The following CHAMP1 variants were observed in gnomAD, a reference collection of about 807,000 sequenced individuals.
CHAMP1 encodes the protein chromosome alignment maintaining phosphoprotein 1.
Under a neutral mutation model 54.5 loss-of-function variants are expected in CHAMP1, and 4 were observed. That is an observed-to-expected ratio of 0.07 (90% CI 0.04 to 0.17). CHAMP1 has a LOEUF of 0.17. Among genes scored for constraint, CHAMP1 ranks in the 10% least tolerant of loss-of-function variants. The pLI, the probability that CHAMP1 is intolerant of heterozygous loss-of-function variation, is 1.00. For synonymous variants in CHAMP1, 368 were observed against 342.2 expected, an observed-to-expected ratio of 1.08 and a Z score of -0.83; for missense variants, 994 against 968.6, an observed-to-expected ratio of 1.03 and a Z score of -0.35.
chr13:114,319,429 G>C (rs940298244), intron 1 of CHAMP1, among the ~76,000 whole-genome samples: 77 of 152,262 alleles, frequency 5.1e-4, no homozygotes, highest in African/African-American at 1.6e-3. Context: ...TGAATAAAGG[G>C]ATAATAGTCC....
intron 1 of CHAMP1, among the ~76,000 whole-genome samples, chr13:114,315,062 A>G (rs2087078116): frequency 6.6e-6 from 1 of 152,222 alleles, no homozygotes; most frequent in Non-Finnish European, 1.5e-5. Context: ...CTAGAATACA[A>G]GAAGAGATGC....
intron 1 of CHAMP1, among the ~76,000 whole-genome samples, chr13:114,320,616 G>A (rs1036223566): frequency 3.3e-5 from 5 of 152,206 alleles, no homozygotes; most frequent in Non-Finnish European, 4.4e-5. Flanking sequence ...AGACAAGGAT[G>A]GTGTCAGGAG....
rs2087235364 is a variant in CHAMP1, at chr13:114,325,459, T to G, written c.1617T>G (p.Pro539=). The G allele has an allele frequency of 6.8e-6, 11 of 1,614,068 alleles. No homozygotes were observed. The highest frequency in any genetic ancestry group is 9.3e-6 in the Non-Finnish European group (11 of 1,180,008). ...ALFPEPAKTA[P]PASPEARKRA... ...TTCCCGAGCCTGCCAAAACAGCCCC[T>G]CCTGCTTCTCCAGAAGCACGCAAAC... The change falls in exon 3 of 3, where the codon CCT becomes CCG. Residue 539 remains proline (P), a synonymous_variant. Transcript: ENST00000361283.
Position 114,325,266 on chromosome 13 carries a change from G to T in CHAMP1, c.1424G>T (p.Gly475Val). The T allele has an allele frequency of 6.2e-7, 1 of 1,614,094 alleles. No individual in the cohort carries two copies. The highest frequency in any genetic ancestry group is 8.5e-7 in the Non-Finnish European group (1 of 1,180,026). The change falls in exon 3 of 3, where the codon GGT becomes GTT. Residue 475 changes from glycine (G) to valine (V), a missense_variant. By Grantham distance (109) the Gly-to-Val change is moderately radical (BLOSUM62 -3). Coordinates refer to ENST00000361283, the MANE Select transcript of CHAMP1 (RefSeq NM_032436.4). ...FPESQKSSRG[G>V]SPDLWKSSFF... ...GAGTCCCAGAAAAGTTCCCGTGGTGGTTCTCCTGATCTCTGGAAGTCTTCC... is the reference window on the plus strand; with the variant it reads ...GAGTCCCAGAAAAGTTCCCGTGGTGTTTCTCCTGATCTCTGGAAGTCTTCC...
In CHAMP1 at chr13:114,316,249, C is replaced by A. The variant is rs1426866340; in HGVS notation, c.-179+1606C>A. Among the ~76,000 whole-genome samples, 3 of 150,702 alleles carry A rather than the reference C, an allele frequency of 2.0e-5. No individual in the cohort carries two copies. In the South Asian group the frequency reaches 6.3e-4, roughly 32 times the overall value. ...TGCGATCTTGGCCCACTGCAGCCTC[C>A]GTCTCTCGGATTTAAGCGATTCTCC... On this transcript the variant is annotated intron_variant, in intron 1 of 2. Transcript: ENST00000361283.
Position 114,325,268 on chromosome 13 carries a change from TCTC to T in CHAMP1, c.1429_1431del (p.Pro477del), listed in dbSNP as rs1170214193. ...GTCCCAGAAAAGTTCCCGTGGTGGTTCTCCTGATCTCTGGAAGTCTTCCTTTTT... is the reference window on the plus strand; with the variant it reads ...GTCCCAGAAAAGTTCCCGTGGTGGTTCTGATCTCTGGAAGTCTTCCTTTTT... On this transcript the variant is annotated inframe_deletion, in exon 3 of 3. Transcript: ENST00000361283. 1 of 1,614,150 alleles carries T rather than the reference TCTC, an allele frequency of 6.2e-7. No homozygotes were observed. Among genetic ancestry groups the T allele is most frequent in the Non-Finnish European group, 8.5e-7 (1 of 1,180,036 alleles).
Position 114,323,860 on chromosome 13 carries a change from A to G in CHAMP1, c.18A>G (p.Glu6=). The G allele has an allele frequency of 6.2e-7, 1 of 1,603,448 alleles. No individual in the cohort carries two copies. Among genetic ancestry groups the G allele is most frequent in the South Asian group, 1.1e-5 (1 of 90,214 alleles). The change falls in exon 3 of 3, where the codon GAA becomes GAG. Residue 6 remains glutamate (E), a synonymous_variant. Transcript: ENST00000361283. ...ACAGAAGAATGGAAGCATTCCAGGA[A>G]CTTCGTAAACCATCAGCACGTTTGG... The part of the protein sequence containing the change: MEAFQ[E]LRKPSARLEC...
In CHAMP1 at chr13:114,325,573, G is replaced by T; in HGVS notation, c.1731G>T (p.Glu577Asp). Residue 577 changes from glutamate to aspartate, a missense_variant, in exon 3 of 3, where the codon GAG becomes GAT. Around this residue, in one of 3 missense-constraint regions of CHAMP1, gnomAD observed 851 missense variants for 701.3 expected, o/e 1.21. Coordinates refer to ENST00000361283, the MANE Select transcript of CHAMP1 (RefSeq NM_032436.4). ...TCTCAGAATCACAGAAGGCTGTTGA[G>T]CTTGGTGATGAACTACAAATAGATG... is the stretch of plus-strand genomic sequence containing the variant. ...ALFSESQKAV[E>D]LGDELQIDAI... The T allele has an allele frequency of 6.2e-7, 1 of 1,614,186 alleles. No homozygotes were observed. Among genetic ancestry groups the T allele is most frequent in the Non-Finnish European group, 8.5e-7 (1 of 1,180,036 alleles).
Position 114,324,127 on chromosome 13 carries a change from A to G in CHAMP1, c.285A>G (p.Pro95=), listed in dbSNP as rs1555379362. 6.2e-7 allele frequency: 1 copy of G among 1,614,228 alleles called. No homozygotes were observed. Among genetic ancestry groups the G allele is most frequent in the East Asian group, 2.2e-5 (1 of 44,896 alleles). Residue 95 remains proline, a synonymous_variant, in exon 3 of 3, where the codon CCA becomes CCG. Transcript: ENST00000361283. The part of the protein sequence containing the change: ...HASPDKWNDK[P]KNQLNKETDP... ...CCCCAGACAAATGGAATGATAAACC[A>G]AAAAATCAGTTGAACAAAGAAACAG...
Position 114,325,662 on chromosome 13 carries a change from T to C in CHAMP1, c.1820T>C (p.Leu607Pro), listed in dbSNP as rs782127406. Reference protein sequence around the residue: ...QEELLASPKKLLEDTLFPSSK... With the variant: ...QEELLASPKKPLEDTLFPSSK... ...GAACTTCTAGCTTCACCTAAGAAAC[T>C]CTTAGAAGATACTTTATTTCCTTCC... The change falls in exon 3 of 3, where the codon CTC becomes CCC. Residue 607 changes from leucine to proline, a missense_variant. Leu to Pro is a moderately conservative substitution (Grantham distance 98). Transcript: ENST00000361283. 5 of 1,613,832 alleles carry C rather than the reference T, an allele frequency of 3.1e-6. No homozygotes were observed. In the South Asian group the frequency reaches 5.5e-5, roughly 18 times the overall value.
chr13:114,314,579 C>G lies in CHAMP1; in HGVS notation c.-243C>G, dbSNP rs1003456906. On this transcript the variant is annotated 5_prime_UTR_variant, in exon 1 of 3. Transcript: ENST00000361283. ...CGCTGCAGGGCCTCGCGGAGCCGCC[C>G]GCGACCGCGAGCCGGGCCCTCCGCG... is the stretch of plus-strand genomic sequence containing the variant. 1 of 151,816 alleles carries G rather than the reference C, an allele frequency of 6.6e-6. No individual in the cohort carries two copies. The highest frequency in any genetic ancestry group is 2.4e-5 in the African/African-American group (1 of 41,396). The allele number at this position is 151,816 out of a possible 1,614,324, so 9.4% of individuals were successfully genotyped here.
intron 1 of CHAMP1, among the ~76,000 whole-genome samples, chr13:114,319,438 C>T (rs2087141696): frequency 2.0e-5 from 3 of 152,126 alleles, no homozygotes; most frequent in African/African-American, 7.2e-5. Flanking sequence ...GGATAATAGT[C>T]CCTCCTCTCC....
rs187467041 is a variant in CHAMP1 at position 114,318,109 on chromosome 13, T to C, written c.-178-3001T>C. Among the ~76,000 whole-genome samples the C allele has an allele frequency of 2.6e-5, 4 of 152,298 alleles. No individual in the cohort carries two copies. In the East Asian group the frequency reaches 7.7e-4, roughly 29 times the overall value. On this transcript the variant is annotated intron_variant, in intron 1 of 2. Coordinates refer to ENST00000361283, the MANE Select transcript of CHAMP1 (RefSeq NM_032436.4). Reference sequence around the variant, plus strand: ...ATTCTGTAACATCTTCGTGGATCGTTCTGCTACTGTGGGAAAGACAGCATT... The same window carrying C: ...ATTCTGTAACATCTTCGTGGATCGTCCTGCTACTGTGGGAAAGACAGCATT...
In CHAMP1 at chr13:114,314,515, C is replaced by T. The variant is rs928462772; in HGVS notation, c.-307C>T. 12 of 151,792 alleles carry T rather than the reference C, an allele frequency of 7.9e-5. No individual in the cohort carries two copies. The highest frequency in any genetic ancestry group is 2.9e-4 in the African/African-American group (12 of 41,368). The allele number at this position is 151,792 out of a possible 1,614,324, so 9.4% of individuals were successfully genotyped here. On this transcript the variant is annotated 5_prime_UTR_variant, in exon 1 of 3. Transcript: ENST00000361283. ...AGCGCGCACGCTCGCGCACCCGGATCCCGGCTCCTGCATCCAGTCGCCATT... is the reference window on the plus strand; with the variant it reads ...AGCGCGCACGCTCGCGCACCCGGATTCCGGCTCCTGCATCCAGTCGCCATT...
At chr13:114,316,124 C>T (rs1377585240) in intron 1 of CHAMP1, among the ~76,000 whole-genome samples, 1 of 151,724 alleles carries the variant, frequency 6.6e-6, no homozygotes, top group African/African-American at 2.4e-5. Context: ...GCATGAACCA[C>T]CATGTCCGGC....
intron 1 of CHAMP1, among the ~76,000 whole-genome samples, chr13:114,318,573 C>T (rs1259464226): frequency 6.6e-6 from 1 of 152,096 alleles, no homozygotes; most frequent in Non-Finnish European, 1.5e-5. Flanking sequence ...ATCCACCTGC[C>T]TCAGCCTTCC....
rs1367331785 is a variant in CHAMP1, at chr13:114,325,608, A to G, written c.1766A>G (p.Asp589Gly). ...GAACTACAAATAGATGCCATAGATG[A>G]TCAAAAATGTGATATTTTGGTTCAG... ...GDELQIDAID[D>G]QKCDILVQEE... Residue 589 changes from aspartate (D) to glycine (G), a missense_variant, in exon 3 of 3, where the codon GAT becomes GGT. This residue lies in a region of CHAMP1 where 851 missense variants were observed against 701.3 expected (regional missense o/e 1.21). Transcript: ENST00000361283. 1.9e-6 allele frequency: 3 copies of G among 1,614,104 alleles called. No homozygotes were observed. Among genetic ancestry groups the G allele is most frequent in the East Asian group, 2.2e-5 (1 of 44,906 alleles).
rs200240271 is a variant in CHAMP1 at position 114,324,379 on chromosome 13, T to G, written c.537T>G (p.Pro179=). ...TTCCTTCTCCTGAGCCTTCAAAACCTGCCTCTGTTTCTTCTCCTGAACCTC... is the reference window on the plus strand; with the variant it reads ...TTCCTTCTCCTGAGCCTTCAAAACCGGCCTCTGTTTCTTCTCCTGAACCTC... The part of the protein sequence containing the change: ...TPLPSPEPSK[P]ASVSSPEPPK... Residue 179 remains proline (P), a synonymous_variant, in exon 3 of 3, where the codon CCT becomes CCG. Coordinates refer to ENST00000361283, the MANE Select transcript of CHAMP1 (RefSeq NM_032436.4). 6.2e-7 allele frequency: 1 copy of G among 1,614,180 alleles called. No individual in the cohort carries two copies. The highest frequency in any genetic ancestry group is 1.3e-5 in the African/African-American group (1 of 75,032).
rs2139423782 is a variant in CHAMP1, at chr13:114,326,621, T to A, written c.*340T>A. The A allele has an allele frequency of 4.9e-6, 1 of 202,294 alleles. No homozygotes were observed. Among genetic ancestry groups the A allele is most frequent in the East Asian group, 1.2e-4 (1 of 8,002 alleles). 12.5% of individuals were successfully genotyped at this position (202,294 alleles called of 1,614,324 possible). On this transcript the variant is annotated 3_prime_UTR_variant, in exon 3 of 3. Coordinates refer to ENST00000361283, the MANE Select transcript of CHAMP1 (RefSeq NM_032436.4). ...CATTCAGTTAAAGTGTATCTGTGTG[T>A]GGAACTAATTTCAGACAATAGAAAA...
Sources: gnomAD v4.1 joint callset for allele counts (sites outside exome capture counted in the v4.1 genomes callset) on GRCh38, gnomAD v4.1.1 for gene constraint, gnomAD v4.1.1 regional missense constraint, MANE v1.5 for transcripts, NCBI Gene and HGNC (gene_info 2026-07-23, HGNC 2026-07-21) for gene names.